The following EPC2 variants were observed in gnomAD, a reference collection of about 807,000 sequenced individuals.
The protein encoded by EPC2 is enhancer of polycomb homolog 2.
A neutral mutation model predicts 92.1 loss-of-function variants in EPC2; 14 were observed. The observed-to-expected ratio is 0.15, with a 90% CI of 0.10 to 0.24. The LOEUF (loss-of-function observed/expected upper bound fraction) is 0.24, where lower values mean the gene tolerates loss of function less well. Among genes scored for constraint, EPC2 ranks in the 10% least tolerant of loss-of-function variants. The probability of loss-of-function intolerance (pLI) is 1.00; values close to 1 mark genes in which losing one functional copy is unlikely to be tolerated. For synonymous variants in EPC2, 340 were observed against 334.7 expected, an observed-to-expected ratio of 1.02 and a Z score of -0.17; for missense variants, 755 against 971.5, an observed-to-expected ratio of 0.78 and a Z score of 2.96.
At chr2:148,783,527 G>T (rs954275855) in intron 11 of EPC2, 70 bp from the exon 12 acceptor site, 3 of 1,446,904 alleles carry the variant, frequency 2.1e-6, no homozygotes, top group Admixed American at 2.0e-5. Context: ...TCTTGGGTTT[G>T]CCCCATCCCT....
intron 10 of EPC2, among the ~76,000 whole-genome samples, chr2:148,777,865 G>A (rs923610775): frequency 1.6e-4 from 25 of 152,172 alleles, no homozygotes; most frequent in Non-Finnish European, 2.9e-5. Context: ...AATCAGATTT[G>A]TAGAAGATAG....
chr2:148,776,625 A>T (rs1459108740), intron 10 of EPC2, among the ~76,000 whole-genome samples: 1 of 152,196 alleles, frequency 6.6e-6, no homozygotes, highest in African/African-American at 2.4e-5. Flanking sequence ...GATTTGATGT[A>T]AGATCCCTCT....
intron 2 of EPC2, among the ~76,000 whole-genome samples, chr2:148,712,089 A>G (rs1325929878): frequency 6.6e-6 from 1 of 152,178 alleles, no homozygotes; most frequent in Non-Finnish European, 1.5e-5. Context: ...TCCTTGGATT[A>G]ATATCTACCA....
At chr2:148,676,874 G>GC (rs201671637) in intron 1 of EPC2, among the ~76,000 whole-genome samples, 2,120 of 103,488 alleles carry the variant, frequency 0.02, 58 homozygotes, top group African/African-American at 0.055. Flanking sequence ...ACTTTTTTTG[G>GC]GGGGGGGGTT....
intron 10 of EPC2, among the ~76,000 whole-genome samples, chr2:148,775,488 TTTCTC>T (rs1290057124): frequency 6.6e-6 from 1 of 151,978 alleles, no homozygotes; most frequent in Non-Finnish European, 1.5e-5. Flanking sequence ...TAGTTTTAGT[TTTCTC>T]TAATGCATGG....
chr2:148,706,754 A>G (rs937145687), intron 2 of EPC2, among the ~76,000 whole-genome samples: 1 of 152,234 alleles, frequency 6.6e-6, no homozygotes, highest in Non-Finnish European at 1.5e-5. Flanking sequence ...ACTAAGCTTC[A>G]TAAGTGAAGG....
chr2:148,776,854 C>CTTTTTTTTTTT (rs1558838031), intron 10 of EPC2, among the ~76,000 whole-genome samples: 2 of 90,052 alleles, frequency 2.2e-5, no homozygotes, highest in Non-Finnish European at 4.1e-5. Context: ...CTGTCTCTCT[C>CTTTTTTTTTTT]TCTTTTTTTT....
intron 1 of EPC2, among the ~76,000 whole-genome samples, chr2:148,673,563 T>G (rs1411599715): frequency 2.0e-5 from 3 of 152,186 alleles, no homozygotes; most frequent in Non-Finnish European, 2.9e-5. Context: ...TTTATTTTCA[T>G]TTTATACATT....
intron 2 of EPC2, among the ~76,000 whole-genome samples, chr2:148,729,789 C>G (rs529464887): frequency 6.6e-6 from 1 of 152,268 alleles, no homozygotes; most frequent in East Asian, 1.9e-4. Context: ...TGTCATTAGG[C>G]TCTGTCCTCT....
intron 10 of EPC2, among the ~76,000 whole-genome samples, chr2:148,779,208 G>C (rs6750242): frequency 0.18 from 27,930 of 152,104 alleles, 3,291 homozygotes; most frequent in East Asian, 0.49. Flanking sequence ...TTCATAAAAA[G>C]AAGTGGAACA....
intron 11 of EPC2, 30 bp downstream of exon 11, chr2:148,781,810 T>G (rs576290824): frequency 6.2e-7 from 1 of 1,611,716 alleles, no homozygotes; most frequent in African/African-American, 1.3e-5. Flanking sequence ...ATAGTTACGT[T>G]TGTTTCTTTC....
chr2:148,720,926 G>A (rs1314355931), intron 2 of EPC2, among the ~76,000 whole-genome samples: 1 of 152,036 alleles, frequency 6.6e-6, no homozygotes, highest in Admixed American at 6.6e-5. Flanking sequence ...GCTTCTAATC[G>A]GCTGTCTTGG....
At chr2:148,762,826 A>C in intron 6 of EPC2, 24 bp downstream of exon 6, 1 of 1,584,070 alleles carries the variant, frequency 6.3e-7, no homozygotes, top group Non-Finnish European at 8.6e-7. Context: ...GGGAAGAAGC[A>C]TGTATGGATG....
At chr2:148,701,116 T>C (rs949758167) in intron 2 of EPC2, among the ~76,000 whole-genome samples, 4 of 152,226 alleles carry the variant, frequency 2.6e-5, no homozygotes, top group African/African-American at 9.6e-5. Context: ...ATATTAACTT[T>C]GTATGCTACA....
At chr2:148,696,849 C>T (rs1681756603) in intron 2 of EPC2, among the ~76,000 whole-genome samples, 1 of 152,206 alleles carries the variant, frequency 6.6e-6, no homozygotes, top group African/African-American at 2.4e-5. Context: ...AATTTGCCTT[C>T]TCATCTTACT....
intron 1 of EPC2, among the ~76,000 whole-genome samples, chr2:148,688,117 C>T (rs1269732100): frequency 6.6e-6 from 1 of 152,076 alleles, no homozygotes; most frequent in Non-Finnish European, 1.5e-5. Context: ...GGTGTAATAT[C>T]TTAGGATTAA....
intron 3 of EPC2, among the ~76,000 whole-genome samples, chr2:148,752,250 AG>A (rs147097040): frequency 0.011 from 1,724 of 152,302 alleles, 33 homozygotes; most frequent in African/African-American, 0.04. Flanking sequence ...GAAATGATCA[AG>A]AAGCTGAAGA....
chr2:148,671,522 G>A (rs1681154811), intron 1 of EPC2, among the ~76,000 whole-genome samples: 1 of 152,148 alleles, frequency 6.6e-6, no homozygotes, highest in African/African-American at 2.4e-5. Flanking sequence ...GCTGAGGCAG[G>A]AGAATTGCCT....
At chr2:148,723,835 A>G (rs1306763947) in intron 2 of EPC2, among the ~76,000 whole-genome samples, 1 of 152,032 alleles carries the variant, frequency 6.6e-6, no homozygotes, top group Admixed American at 6.6e-5. Context: ...AATTGGATTT[A>G]TAACTTTTTA....
Sources: allele counts gnomAD v4.1 joint callset (sites outside exome capture counted in the v4.1 genomes callset), GRCh38; gene constraint gnomAD v4.1.1; transcripts MANE v1.5; gene names NCBI Gene and HGNC (gene_info 2026-07-23, HGNC 2026-07-21).